The following SARS2 variants were observed in gnomAD, a reference collection of about 807,000 sequenced individuals.
SARS2 encodes the protein seryl-tRNA synthetase 2, mitochondrial.
In SARS2, 52 loss-of-function variants were observed where a neutral mutation model predicts 66.8. The ratio of observed to expected loss-of-function variants is 0.78; its 90% confidence interval spans 0.62 to 0.98. The LOEUF is 0.98. Among genes scored for constraint, SARS2 ranks in the 50% least tolerant of loss-of-function variants. SARS2 has a pLI of 0.00. For missense variants in SARS2, 673 were observed against 706.3 expected, an observed-to-expected ratio of 0.95 and a Z score of 0.53; for synonymous variants, 306 against 281.4, an observed-to-expected ratio of 1.09 and a Z score of -0.87.
intron 1 of SARS2, 83 bp downstream of exon 1, chr19:38,930,387 C>G: frequency 6.7e-7 from 1 of 1,492,178 alleles, no homozygotes; most frequent in Non-Finnish European, 8.9e-7. Context: ...TACAGGTTCG[C>G]CCCCTGCCGG....
At chr19:38,925,008 T>G (rs1329471082) in intron 2 of SARS2, among the ~76,000 whole-genome samples, 1 of 152,170 alleles carries the variant, frequency 6.6e-6, no homozygotes, top group Non-Finnish European at 1.5e-5. Context: ...CTGTTGGTTG[T>G]ATAACCCAAG....
intron 12 of SARS2, 70 bp from the exon 13 acceptor site, chr19:38,916,384 C>T (rs530523307): frequency 2.2e-6 from 3 of 1,393,540 alleles, no homozygotes; most frequent in East Asian, 2.4e-5. Context: ...CAAATGGAAA[C>T]GATGGAAGAG....
intron 1 of SARS2, among the ~76,000 whole-genome samples, chr19:38,926,741 G>A (rs749272942): frequency 2.0e-5 from 3 of 152,050 alleles, no homozygotes; most frequent in African/African-American, 4.8e-5. Flanking sequence ...AGCTGAGATC[G>A]TGCCACTGCA....
chr19:38,921,064 T>TAC (rs1291425157), intron 5 of SARS2, among the ~76,000 whole-genome samples: 1 of 84,244 alleles, frequency 1.2e-5, no homozygotes, highest in African/African-American at 8.7e-5. Context: ...GACACACACA[T>TAC]ACAGATACAG....
chr19:38,930,463 C>A lies in SARS2; in HGVS notation c.267+7G>T, dbSNP rs768325653. Reference sequence around the variant, plus strand: ...CTGCGCCCCCCGGCCGGCGCAGGCGCACTCACGATCGCGGGCAGGTCCGCC... The same window carrying A: ...CTGCGCCCCCCGGCCGGCGCAGGCGAACTCACGATCGCGGGCAGGTCCGCC... On this transcript the variant is annotated splice_region_variant and intron_variant, in intron 1 of 15. Coordinates refer to ENST00000221431, the MANE Select transcript of SARS2 (RefSeq NM_017827.4). 2.5e-6 allele frequency: 4 copies of A among 1,593,122 alleles called. No homozygotes were observed. Among genetic ancestry groups the A allele is most frequent in the Non-Finnish European group, 3.4e-6 (4 of 1,168,620 alleles).
intron 5 of SARS2, among the ~76,000 whole-genome samples, chr19:38,921,028 CAG>C (rs1974521472): frequency 1.4e-5 from 2 of 142,690 alleles, no homozygotes; most frequent in African/African-American, 5.7e-5. Context: ...TACACAGATA[CAG>C]ACACACACAG....
chr19:38,921,426 C>T lies in SARS2; in HGVS notation c.555G>A (p.Gln185=), dbSNP rs1446575888. The change falls in exon 5 of 16, where the codon CAG becomes CAA. Residue 185 remains glutamine, a synonymous_variant. Transcript: ENST00000221431. ...HPDVPVGDES[Q]ARVLHMVGDK... ...CTCCGACCATGTGGAGCACTCGAGC[C>T]TGGCTCTCATCCCCGACGGGCTGCA... 1 of 1,613,980 alleles carries T rather than the reference C, an allele frequency of 6.2e-7. No homozygotes were observed. The highest frequency in any genetic ancestry group is 8.5e-7 in the Non-Finnish European group (1 of 1,180,010).
intron 3 of SARS2, chr19:38,921,980 C>T (rs1175523113): frequency 6.4e-7 from 1 of 1,551,588 alleles, no homozygotes; most frequent in Non-Finnish European, 8.7e-7. Flanking sequence ...GGAAAGCGTG[C>T]TTGACTTTGC....
Position 38,915,557 on chromosome 19 carries a change from T to G in SARS2, c.*49A>C. On this transcript the variant is annotated 3_prime_UTR_variant, in exon 16 of 16. Coordinates refer to ENST00000221431, the MANE Select transcript of SARS2 (RefSeq NM_017827.4). ...CAGGTCCCAGGTGTCCGGGGTCTCC[T>G]GAACTCCAGGAAGCAGTGACACCCC... The G allele has an allele frequency of 6.2e-7, 1 of 1,603,422 alleles. No homozygotes were observed. Among genetic ancestry groups the G allele is most frequent in the Admixed American group, 1.7e-5 (1 of 59,824 alleles).
At chr19:38,930,320 T>A in intron 1 of SARS2, 150 bp downstream of exon 1, 2 of 1,004,446 alleles carry the variant, frequency 2.0e-6, no homozygotes, top group Non-Finnish European at 2.8e-6. Flanking sequence ...AACTGGCACA[T>A]AAGTGGGTGC....
At chr19:38,921,867 A>G in intron 3 of SARS2, 200 bp from the exon 4 acceptor site, 1 of 1,326,816 alleles carries the variant, frequency 7.5e-7, no homozygotes, top group South Asian at 1.3e-5. Context: ...CTGGCCAACT[A>G]GAACGTTCTA....
chr19:38,916,329 G>T lies in SARS2; in HGVS notation c.1161-15C>A, dbSNP rs746422847. 15 of 1,609,674 alleles carry T rather than the reference G, an allele frequency of 9.3e-6. No homozygotes were observed. The highest frequency in any genetic ancestry group is 1.7e-5 in the Admixed American group (1 of 59,998). On this transcript the variant is annotated splice_polypyrimidine_tract_variant and intron_variant, in intron 12 of 15. Coordinates refer to ENST00000221431, the MANE Select transcript of SARS2 (RefSeq NM_017827.4). ...TATCCAGGACCCTGCGGTCAAGGAC[G>T]AAGGTGTGGGGAAGGTCAGCGGGTG...
rs972047278 is a variant in SARS2 at position 38,920,784 on chromosome 19, G to C, written c.589+608C>G. On this transcript the variant is annotated intron_variant, in intron 5 of 15. Transcript: ENST00000221431. ...AGACATACACACAGAGATACACGGA[G>C]ATATGCAGATACACACACAGACACA... 2.0e-5 allele frequency among the ~76,000 whole-genome samples: 3 copies of C among 149,724 alleles called. No homozygotes were observed. In the East Asian group the frequency reaches 5.9e-4, roughly 29 times the overall value.
intron 6 of SARS2, 39 bp downstream of exon 6, chr19:38,920,047 G>T: frequency 6.5e-7 from 1 of 1,532,466 alleles, no homozygotes; most frequent in Non-Finnish European, 8.9e-7. Context: ...GGTGCAGGCA[G>T]CTGGGAGAGG....
At position 38,918,616 on chromosome 19, in the gene SARS2, G is replaced by C. The variant is rs192573861; in HGVS notation, c.808-86C>G. Reference sequence around the variant, plus strand: ...CAGTCCCAACCCCAGCTCCTCCCCTGAAAACATCTGGAGCTGCCCTGGCCT... The same window carrying C: ...CAGTCCCAACCCCAGCTCCTCCCCTCAAAACATCTGGAGCTGCCCTGGCCT... On this transcript the variant is annotated intron_variant, in intron 8 of 15. Transcript: ENST00000221431. 17 of 1,392,860 alleles carry C rather than the reference G, an allele frequency of 1.2e-5. No individual in the cohort carries two copies. The African/African-American group carries it at 2.0e-4, about 16-fold the overall frequency. 86.3% of individuals were successfully genotyped at this position (1,392,860 alleles called of 1,614,324 possible).
chr19:38,920,844 G>GACACACAGATACAT (rs1217943081), intron 5 of SARS2, among the ~76,000 whole-genome samples: 1 of 149,324 alleles, frequency 6.7e-6, no homozygotes, highest in Non-Finnish European at 1.5e-5. Flanking sequence ...CACAGAGAAA[G>GACACACAGATACAT]ACACACAGAT....
rs561046447 is a variant in SARS2 at position 38,919,872 on chromosome 19, G to GAGAC, written c.654-9_654-6dup. ...CCAGACACGTGGGACAGGCGCCTGGGAGACAGACAGACAGGCGGGTGCACA... is the reference window on the plus strand; with the variant it reads ...CCAGACACGTGGGACAGGCGCCTGGGAGACAGACAGACAGACAGGCGGGTGCACA... On this transcript the variant is annotated splice_region_variant and splice_polypyrimidine_tract_variant and intron_variant, in intron 6 of 15. Transcript: ENST00000221431. The GAGAC allele has an allele frequency of 6.2e-7, 1 of 1,612,224 alleles. No individual in the cohort carries two copies. Among genetic ancestry groups the GAGAC allele is most frequent in the Middle Eastern group, 1.7e-4 (1 of 6,058 alleles).
chr19:38,918,693 T>C, intron 8 of SARS2, 73 bp downstream of exon 8: 1 of 1,525,452 alleles, frequency 6.6e-7, no homozygotes, highest in East Asian at 2.4e-5. Context: ...TCTCCTCAGG[T>C]TTCCCTGCCT....
chr19:38,915,793 C>G, intron 15 of SARS2, 44 bp from the exon 16 acceptor site: 1 of 1,612,660 alleles, frequency 6.2e-7, no homozygotes, highest in Non-Finnish European at 8.5e-7. Context: ...TGCCCCAGCC[C>G]TCCCCGGCGC....
Sources: allele counts gnomAD v4.1 joint callset (sites outside exome capture counted in the v4.1 genomes callset), GRCh38; gene constraint gnomAD v4.1.1; transcripts MANE v1.5; gene names NCBI Gene and HGNC (gene_info 2026-07-23, HGNC 2026-07-21).